DAB1: variants seen among roughly 807,000 people sequenced by gnomAD.
DAB1 encodes DAB adaptor protein 1.
A neutral mutation model predicts 64.6 loss-of-function variants in DAB1; 15 were observed. That is an observed-to-expected ratio of 0.23 (90% CI 0.16 to 0.36). The LOEUF (loss-of-function observed/expected upper bound fraction) is 0.36. DAB1 is among the 10% of genes least tolerant of loss of function. The probability of loss-of-function intolerance (pLI) is 1.00; values close to 1 mark genes in which losing one functional copy is unlikely to be tolerated. For missense variants in DAB1, 596 were observed against 706.7 expected (o/e 0.84, Z 1.78); for synonymous variants, 235 against 251.9 (o/e 0.93, Z 0.64).
intron 4 of DAB1, among the ~76,000 whole-genome samples, chr1:57,124,939 C>G (rs976541209): frequency 6.6e-6 from 1 of 152,000 alleles, no homozygotes; most frequent in South Asian, 2.1e-4. Flanking sequence ...CCTCCCACCC[C>G]CCAACCCCGG....
At chr1:57,412,140 C>A (rs1407078063) in intron 1 of DAB1, among the ~76,000 whole-genome samples, 1 of 152,178 alleles carries the variant, frequency 6.6e-6, no homozygotes, top group East Asian at 1.9e-4. Context: ...ATGAGCCATG[C>A]CCACATAAGA....
intron 9 of DAB1, among the ~76,000 whole-genome samples, chr1:57,050,541 C>T (rs1649081360): frequency 6.6e-6 from 1 of 152,190 alleles, no homozygotes; most frequent in Non-Finnish European, 1.5e-5. Context: ...TTTAAACATT[C>T]AGTTCCTTCT....
chr1:57,353,770 G>T (rs1207149547), intron 1 of DAB1, among the ~76,000 whole-genome samples: 1 of 152,108 alleles, frequency 6.6e-6, no homozygotes, highest in East Asian at 1.9e-4. Flanking sequence ...CTTCCACACT[G>T]TGAATAACAG....
At chr1:57,020,611 A>G (rs552522831) in intron 11 of DAB1, among the ~76,000 whole-genome samples, 1 of 152,330 alleles carries the variant, frequency 6.6e-6, no homozygotes, top group African/African-American at 2.4e-5. Context: ...CAGGTAAAGG[A>G]AAAAATATAG....
chr1:57,012,387 G>T (rs374620849), intron 12 of DAB1, among the ~76,000 whole-genome samples: 2 of 152,092 alleles, frequency 1.3e-5, no homozygotes. Context: ...TAACTTTTTT[G>T]TTTCCCAGAT....
intron 4 of DAB1, among the ~76,000 whole-genome samples, chr1:58,323,043 G>A (rs1336028991): frequency 7.0e-6 from 1 of 143,466 alleles, no homozygotes; most frequent in Non-Finnish European, 1.5e-5. Flanking sequence ...AGAATAATGA[G>A]AACACTTGGG....
At chr1:58,202,020 C>T (rs928133861) in intron 4 of DAB1, among the ~76,000 whole-genome samples, 5 of 152,150 alleles carry the variant, frequency 3.3e-5, no homozygotes, top group African/African-American at 9.7e-5. Context: ...ATTTACACAA[C>T]GGTGAAATGG....
At chr1:58,376,031 C>A (rs1644321521) in intron 3 of DAB1, among the ~76,000 whole-genome samples, 1 of 151,074 alleles carries the variant, frequency 6.6e-6, no homozygotes, top group Admixed American at 6.6e-5. Context: ...TGGTGATATC[C>A]CCTTTATCAT....
At chr1:57,684,001 C>T (rs892690059) in intron 6 of DAB1, among the ~76,000 whole-genome samples, 1 of 151,958 alleles carries the variant, frequency 6.6e-6, no homozygotes, top group African/African-American at 2.4e-5. Context: ...AATAGATGAC[C>T]AAGCTGAGGA....
intron 6 of DAB1, among the ~76,000 whole-genome samples, chr1:57,743,864 G>A (rs1648126845): frequency 6.6e-6 from 1 of 152,242 alleles, no homozygotes; most frequent in Non-Finnish European, 1.5e-5. Context: ...TGTTTCTATA[G>A]ATATTAAATT....
intron 6 of DAB1, among the ~76,000 whole-genome samples, chr1:57,774,067 T>C (rs1557472751): frequency 6.6e-6 from 1 of 151,914 alleles, no homozygotes; most frequent in Non-Finnish European, 1.5e-5. Flanking sequence ...TGAGATCTCC[T>C]TGAATCATGA....
intron 1 of DAB1, among the ~76,000 whole-genome samples, chr1:57,333,958 G>A (rs186549754): frequency 2.6e-5 from 4 of 152,222 alleles, no homozygotes; most frequent in African/African-American, 2.4e-5. Context: ...TAGGAATAAC[G>A]GGACAGAGAC....
chr1:57,796,668 A>G (rs1650888736), intron 6 of DAB1, among the ~76,000 whole-genome samples: 1 of 152,102 alleles, frequency 6.6e-6, no homozygotes, highest in Non-Finnish European at 1.5e-5. Context: ...CCCACTGGAG[A>G]AAGCAAAGGG....
At chr1:57,132,023 T>G (rs1300527748) in intron 4 of DAB1, among the ~76,000 whole-genome samples, 1 of 152,282 alleles carries the variant, frequency 6.6e-6, no homozygotes, top group Non-Finnish European at 1.5e-5. Flanking sequence ...CTCTTTCATA[T>G]ATCTGTGCCT....
chr1:57,939,341 C>G (rs575380899), intron 5 of DAB1, among the ~76,000 whole-genome samples: 3 of 152,126 alleles, frequency 2.0e-5, no homozygotes, highest in Non-Finnish European at 4.4e-5. Context: ...CTTCAATATA[C>G]CAATGTGGGT....
At chr1:58,363,198 G>A (rs1200726422) in intron 3 of DAB1, among the ~76,000 whole-genome samples, 1 of 152,162 alleles carries the variant, frequency 6.6e-6, no homozygotes, top group Non-Finnish European at 1.5e-5. Flanking sequence ...TGGGTTGGGA[G>A]CACAGTTTAA....
chr1:57,353,803 G>A (rs1433874959), intron 1 of DAB1, among the ~76,000 whole-genome samples: 1 of 152,104 alleles, frequency 6.6e-6, no homozygotes, highest in African/African-American at 2.4e-5. Flanking sequence ...ATGGATGAGT[G>A]TCCCCAGAGC....
chr1:58,144,617 C>G (rs1036446419), intron 5 of DAB1, among the ~76,000 whole-genome samples: 3 of 152,192 alleles, frequency 2.0e-5, no homozygotes, highest in Non-Finnish European at 2.9e-5. Context: ...TGCACTAGGT[C>G]GCAAAGTTGG....
At chr1:57,115,390 G>A (rs1656020293) in intron 4 of DAB1, among the ~76,000 whole-genome samples, 1 of 152,114 alleles carries the variant, frequency 6.6e-6, no homozygotes, top group Non-Finnish European at 1.5e-5. Flanking sequence ...AGTAAGAAGT[G>A]GGCATTTTCA....
Sources: gnomAD v4.1 joint callset for allele counts (sites outside exome capture counted in the v4.1 genomes callset) on GRCh38, gnomAD v4.1.1 for gene constraint, MANE v1.5 for transcripts, NCBI Gene and HGNC (gene_info 2026-07-23, HGNC 2026-07-21) for gene names.